RBPMS: variants seen among roughly 807,000 people sequenced by gnomAD.
The protein encoded by RBPMS is RNA binding protein, mRNA processing factor.
RBPMS carries 7 observed loss-of-function variants against 26.8 expected under a neutral mutation model. That is an observed-to-expected ratio of 0.26 (90% confidence interval 0.15 to 0.49). RBPMS has a LOEUF of 0.49. RBPMS is among the 20% of genes least tolerant of loss of function. The pLI, the probability that RBPMS is intolerant of heterozygous loss-of-function variation, is 0.98. For synonymous variants in RBPMS, 96 were observed against 93.3 expected (o/e 1.03, Z -0.17); for missense variants, 186 against 250.0 (o/e 0.74, Z 1.73).
chr8:30,439,144 C>G (rs1390396320), intron 1 of RBPMS, among the ~76,000 whole-genome samples: 2 of 152,172 alleles, frequency 1.3e-5, no homozygotes, highest in African/African-American at 4.8e-5. Flanking sequence ...TACTGCAGTA[C>G]TAGTTGTTAT....
intron 5 of RBPMS, among the ~76,000 whole-genome samples, chr8:30,519,465 T>C: frequency 6.2e-4 from 1 of 1,602 alleles, no homozygotes; most frequent in African/African-American, 8.8e-4. Context: ...TCTCTTTTTT[T>C]TTTTTTTTTT....
chr8:30,518,038 T>A (rs1322030061), intron 5 of RBPMS, among the ~76,000 whole-genome samples: 1 of 152,186 alleles, frequency 6.6e-6, no homozygotes, highest in Non-Finnish European at 1.5e-5. Flanking sequence ...GAAATCTAGA[T>A]ACCATTTGTT....
chr8:30,535,278 CTT>C (rs773139413), intron 5 of RBPMS, among the ~76,000 whole-genome samples: 144 of 152,286 alleles, frequency 9.5e-4, no homozygotes, highest in Non-Finnish European at 1.6e-3. Flanking sequence ...TTTTAACTAA[CTT>C]TTCTTGAATA....
intron 1 of RBPMS, among the ~76,000 whole-genome samples, chr8:30,393,765 C>T (rs374432526): frequency 3.3e-5 from 5 of 152,000 alleles, no homozygotes; most frequent in Admixed American, 1.3e-4. Context: ...GTGATCCACC[C>T]GCCTCGGCCT....
chr8:30,502,913 T>C (rs953377666), intron 4 of RBPMS, among the ~76,000 whole-genome samples: 2 of 151,808 alleles, frequency 1.3e-5, no homozygotes, highest in Non-Finnish European at 2.9e-5. Flanking sequence ...AATGTTCTTA[T>C]GTTTCACAGA....
intron 6 of RBPMS, among the ~76,000 whole-genome samples, chr8:30,551,083 C>T (rs1399304676): frequency 1.3e-5 from 2 of 152,236 alleles, no homozygotes; most frequent in East Asian, 3.8e-4. Context: ...GGGGATATTG[C>T]TCTCTTCACA....
intron 5 of RBPMS, among the ~76,000 whole-genome samples, chr8:30,543,939 C>G (rs1363860876): frequency 6.6e-6 from 1 of 152,188 alleles, no homozygotes; most frequent in Non-Finnish European, 1.5e-5. Context: ...ATCTTAAATG[C>G]CCTGTGGTCA....
At chr8:30,546,481 TA>T (rs1223213678) in intron 6 of RBPMS, among the ~76,000 whole-genome samples, 4 of 152,148 alleles carry the variant, frequency 2.6e-5, no homozygotes, top group Non-Finnish European at 4.4e-5. Context: ...CTCAAGAGAT[TA>T]GAAAGCATAT....
intron 5 of RBPMS, 81 bp from the exon 6 acceptor site, chr8:30,544,413 G>A (rs914529795): frequency 2.1e-5 from 29 of 1,356,198 alleles, no homozygotes; most frequent in Admixed American, 7.0e-5. Context: ...ATTGGGGCTC[G>A]GGGTTGTTGG....
chr8:30,452,508 TTTG>T (rs1814704883), intron 1 of RBPMS, among the ~76,000 whole-genome samples: 1 of 152,110 alleles, frequency 6.6e-6, no homozygotes, highest in Non-Finnish European at 1.5e-5. Context: ...TGTAAGTATA[TTTG>T]TTATCTCTCC....
intron 1 of RBPMS, among the ~76,000 whole-genome samples, chr8:30,471,223 G>C (rs1364708386): frequency 5.3e-5 from 8 of 152,036 alleles, no homozygotes; most frequent in Non-Finnish European, 8.8e-5. Flanking sequence ...CTACTTTATA[G>C]AACAAAGTGG....
chr8:30,492,599 A>T (rs957702154), intron 4 of RBPMS, among the ~76,000 whole-genome samples: 3 of 152,198 alleles, frequency 2.0e-5, no homozygotes, highest in Non-Finnish European at 4.4e-5. Flanking sequence ...GTATGGGCAC[A>T]TATGTGGCCC....
chr8:30,411,528 C>T (rs989010601), intron 1 of RBPMS, among the ~76,000 whole-genome samples: 2 of 151,944 alleles, frequency 1.3e-5, no homozygotes, highest in African/African-American at 4.8e-5. Flanking sequence ...AGCTGGGCAT[C>T]GTGGCATGTG....
chr8:30,502,635 C>T (rs570409500), intron 4 of RBPMS, among the ~76,000 whole-genome samples: 12 of 152,248 alleles, frequency 7.9e-5, no homozygotes, highest in Middle Eastern at 3.4e-3. Context: ...CATACCTGTA[C>T]GTAACACCCA....
chr8:30,485,394 G>C (rs758316068), intron 4 of RBPMS, among the ~76,000 whole-genome samples: 5 of 152,058 alleles, frequency 3.3e-5, no homozygotes, highest in Non-Finnish European at 7.3e-5. Flanking sequence ...TTAGCATATT[G>C]CTGAAAGTGG....
chr8:30,569,694 CCCTAAGAT>C, intron 8 of RBPMS, among the ~76,000 whole-genome samples: 1 of 151,468 alleles, frequency 6.6e-6, no homozygotes, highest in Non-Finnish European at 1.5e-5. Context: ...GCACAGGTGG[CCCTAAGAT>C]GGTGATGGTG....
intron 4 of RBPMS, among the ~76,000 whole-genome samples, chr8:30,497,655 C>T (rs920954849): frequency 2.6e-5 from 4 of 151,980 alleles, no homozygotes; most frequent in Non-Finnish European, 4.4e-5. Context: ...CTTGCTCTGT[C>T]GCCCAGGCTG....
intron 1 of RBPMS, among the ~76,000 whole-genome samples, chr8:30,470,105 C>T (rs904991704): frequency 2.6e-5 from 4 of 152,044 alleles, no homozygotes; most frequent in Admixed American, 6.6e-5. Context: ...GATTCTAGGC[C>T]GGGCACGGTG....
chr8:30,551,961 C>T lies in RBPMS; in HGVS notation c.529-6926C>T, dbSNP rs193288701. Among the ~76,000 whole-genome samples, 4 of 152,290 alleles carry T rather than the reference C, an allele frequency of 2.6e-5. No homozygotes were observed. In the East Asian group the frequency reaches 7.7e-4, roughly 29 times the overall value. On this transcript the variant is annotated intron_variant, in intron 6 of 8. Transcript: ENST00000397323. ...AGTCATAGTTATGATTAAAATAGTT[C>T]TTCCAATGCCTTCCCTTTGTCAGGA... is the stretch of plus-strand genomic sequence containing the variant.
Sources: gnomAD v4.1 joint callset for allele counts (sites outside exome capture counted in the v4.1 genomes callset) on GRCh38, gnomAD v4.1.1 for gene constraint, MANE v1.5 for transcripts, NCBI Gene and HGNC (gene_info 2026-07-23, HGNC 2026-07-21) for gene names.